The following FAM13A variants were observed in gnomAD, a reference collection of about 807,000 sequenced individuals.
FAM13A encodes protein FAM13A.
A neutral mutation model predicts 129.6 loss-of-function variants in FAM13A; 76 were observed. The observed-to-expected ratio is 0.59, with a 90% CI of 0.49 to 0.71. The LOEUF (loss-of-function observed/expected upper bound fraction) is 0.71. Among genes scored for constraint, FAM13A ranks in the 30% least tolerant of loss-of-function variants. The pLI is 0.00. For missense variants in FAM13A, 1,108 were observed against 1,249.3 expected, an observed-to-expected ratio of 0.89 and a Z score of 1.70; for synonymous variants, 443 against 449.9, an observed-to-expected ratio of 0.98 and a Z score of 0.20.
Position 88,909,620 on chromosome 4 carries a change from G to T in FAM13A, c.760-3158C>A, listed in dbSNP as rs576567123. ...TCCTGTCTCAGCCTCTGGAGTAGCT[G>T]GGACTACAGGTGTGCACCACCATGC... On this transcript the variant is annotated intron_variant, in intron 5 of 23. Transcript: ENST00000264344. Among the ~76,000 whole-genome samples the T allele has an allele frequency of 1.3e-3, 201 of 152,142 alleles. 2 individuals are homozygous for T. The highest frequency in any genetic ancestry group is 4.3e-3 in the African/African-American group (179 of 41,494).
chr4:89,015,038 A>C (rs1181962226), intron 3 of FAM13A, among the ~76,000 whole-genome samples: 2 of 152,146 alleles, frequency 1.3e-5, no homozygotes. Context: ...GTGGTCTCTA[A>C]AATGGCCGCT....
At chr4:88,805,770 G>A (rs1398213695) in intron 7 of FAM13A, among the ~76,000 whole-genome samples, 1 of 151,978 alleles carries the variant, frequency 6.6e-6, no homozygotes, top group Non-Finnish European at 1.5e-5. Context: ...CCAGGCTCAA[G>A]TGATCCTCCC....
intron 7 of FAM13A, among the ~76,000 whole-genome samples, chr4:88,825,311 G>A (rs538000785): frequency 6.6e-6 from 1 of 151,896 alleles, no homozygotes; most frequent in Non-Finnish European, 1.5e-5. Flanking sequence ...CACCTCCCAG[G>A]TTCAAGTGAT....
At chr4:88,878,203 G>C (rs985964734) in intron 6 of FAM13A, among the ~76,000 whole-genome samples, 17 of 148,776 alleles carry the variant, frequency 1.1e-4, no homozygotes, top group Non-Finnish European at 2.4e-4. Context: ...CAGGAGAATG[G>C]TGTGAACCCG....
chr4:88,961,838 TTTAATGTGG>T (rs1560552301), intron 4 of FAM13A, among the ~76,000 whole-genome samples: 1 of 152,250 alleles, frequency 6.6e-6, no homozygotes, highest in Non-Finnish European at 1.5e-5. Context: ...AGCTTTTTAT[TTTAATGTGG>T]TTTAACTTCA....
chr4:88,805,672 A>T (rs1036916117), intron 7 of FAM13A, among the ~76,000 whole-genome samples: 2 of 149,260 alleles, frequency 1.3e-5, no homozygotes, highest in Non-Finnish European at 3.0e-5. Flanking sequence ...TTGAAAGTTA[A>T]TTTTTTTTTT....
chr4:89,010,761 A>G (rs1221757929), intron 3 of FAM13A, among the ~76,000 whole-genome samples: 1 of 152,194 alleles, frequency 6.6e-6, no homozygotes, highest in African/African-American at 2.4e-5. Flanking sequence ...TCAAAGGTAC[A>G]GACACCAGGG....
chr4:88,874,198 A>C (rs571932195), intron 6 of FAM13A, among the ~76,000 whole-genome samples: 8 of 152,340 alleles, frequency 5.3e-5, no homozygotes, highest in African/African-American at 1.9e-4. Context: ...GAATGGGCAA[A>C]ATCTGGAAGC....
intron 3 of FAM13A, among the ~76,000 whole-genome samples, chr4:89,014,058 G>A (rs1182156140): frequency 6.6e-6 from 1 of 152,148 alleles, no homozygotes; most frequent in African/African-American, 2.4e-5. Context: ...AGCTGCTGGG[G>A]TAGGTTCCAG....
At chr4:88,958,223 C>T (rs1054424271) in intron 4 of FAM13A, among the ~76,000 whole-genome samples, 11 of 152,174 alleles carry the variant, frequency 7.2e-5, no homozygotes, top group Admixed American at 3.9e-4. Context: ...GCTTGGCAGC[C>T]CCTCCCATCA....
intron 4 of FAM13A, among the ~76,000 whole-genome samples, chr4:88,976,877 C>G (rs1456975737): frequency 1.3e-5 from 2 of 152,106 alleles, no homozygotes; most frequent in African/African-American, 4.8e-5. Context: ...CATTGTATTA[C>G]AACTGCCTAT....
At chr4:89,018,006 T>G (rs112835328) in intron 3 of FAM13A, among the ~76,000 whole-genome samples, 1 of 152,154 alleles carries the variant, frequency 6.6e-6, no homozygotes, top group Non-Finnish European at 1.5e-5. Flanking sequence ...TTTCAAAAAA[T>G]AAAATCATTT....
At chr4:88,751,612 TA>T (rs10542643) in intron 14 of FAM13A, among the ~76,000 whole-genome samples, 48,711 of 148,702 alleles carry the variant, frequency 0.33, 9,516 homozygotes, top group East Asian at 0.55. Flanking sequence ...GATAATCTGT[TA>T]AAAAAAAAAA....
chr4:88,824,726 G>T (rs201561680), intron 7 of FAM13A, among the ~76,000 whole-genome samples: 2 of 83,958 alleles, frequency 2.4e-5, no homozygotes, highest in East Asian at 5.5e-4. Context: ...ATTTATTTTT[G>T]AGATGGAGTC....
intron 4 of FAM13A, among the ~76,000 whole-genome samples, chr4:88,947,285 C>A (rs1042400955): frequency 2.0e-5 from 3 of 152,144 alleles, no homozygotes; most frequent in African/African-American, 7.2e-5. Flanking sequence ...GTAGTGTGCA[C>A]CTGTAGTCCC....
chr4:88,793,943 T>C (rs531817808), intron 8 of FAM13A, among the ~76,000 whole-genome samples: 11 of 151,900 alleles, frequency 7.2e-5, no homozygotes, highest in Non-Finnish European at 1.3e-4. Context: ...ACAAAAGCAA[T>C]AGAGATTTCT....
chr4:88,958,348 C>CAAGAA (rs1340790153), intron 4 of FAM13A, among the ~76,000 whole-genome samples: 2 of 152,184 alleles, frequency 1.3e-5, no homozygotes, highest in African/African-American at 4.8e-5. Flanking sequence ...AGCTCCAGCT[C>CAAGAA]CAGCTCCACC....
intron 6 of FAM13A, among the ~76,000 whole-genome samples, chr4:88,894,253 A>G (rs2704581): frequency 0.74 from 112,551 of 152,054 alleles, 41,969 homozygotes; most frequent in Non-Finnish European, 0.79. Flanking sequence ...ACTTAAAAAT[A>G]TTTGTAATAG....
At chr4:89,028,326 A>G (rs1367966874) in intron 2 of FAM13A, among the ~76,000 whole-genome samples, 1 of 152,058 alleles carries the variant, frequency 6.6e-6, no homozygotes, top group African/African-American at 2.4e-5. Flanking sequence ...AAACCAAACC[A>G]TGCATAAGGG....
Sources: allele counts gnomAD v4.1 joint callset (sites outside exome capture counted in the v4.1 genomes callset), GRCh38; gene constraint gnomAD v4.1.1; transcripts MANE v1.5; gene names NCBI Gene and HGNC (gene_info 2026-07-23, HGNC 2026-07-21).